PCTP: variants seen among roughly 807,000 people sequenced by gnomAD.
PCTP encodes phosphatidylcholine transfer protein, also known as START domain-containing protein 2.
A neutral mutation model predicts 31.0 loss-of-function variants in PCTP; 27 were observed. The ratio of observed to expected loss-of-function variants is 0.87; its 90% CI spans 0.64 to 1.20. The LOEUF (loss-of-function observed/expected upper bound fraction) is 1.20, where lower values mean the gene tolerates loss of function less well. PCTP is among the 50% of genes most tolerant of loss of function. The probability of loss-of-function intolerance (pLI) is 0.00; values close to 1 mark genes in which losing one functional copy is unlikely to be tolerated. For synonymous variants in PCTP, 108 were observed against 101.2 expected (o/e 1.07, Z -0.40); for missense variants, 287 against 268.2 (o/e 1.07, Z -0.49).
At chr17:55,827,038 C>CAAAAA (rs33976207), downstream of PCTP, among the ~76,000 whole-genome samples, 1 of 134,928 alleles carries the variant, frequency 7.4e-6, no homozygotes, top group African/African-American at 2.7e-5. Context: ...GGTAAACAGC[C>CAAAAA]AAAAAAAAAA....
At chr17:55,809,522 TC>T (rs757597831) in intron 3 of PCTP, among the ~76,000 whole-genome samples, 1 of 144,286 alleles carries the variant, frequency 6.9e-6, no homozygotes, top group South Asian at 2.2e-4. Context: ...ATTCTCAGAG[TC>T]TTTTTTTTTT....
At chr17:55,847,206 C>G (rs1037584313), downstream of PCTP, among the ~76,000 whole-genome samples, 1 of 152,202 alleles carries the variant, frequency 6.6e-6, no homozygotes, top group Non-Finnish European at 1.5e-5. Context: ...CCATCATTTT[C>G]TGGTTATTCT....
At chr17:55,818,687 A>G (rs990966728) in intron 3 of PCTP, among the ~76,000 whole-genome samples, 1 of 152,224 alleles carries the variant, frequency 6.6e-6, no homozygotes, top group Non-Finnish European at 1.5e-5. Flanking sequence ...TCTGGAAAAT[A>G]GCCTTTAGCT....
intron 5 of PCTP, among the ~76,000 whole-genome samples, chr17:55,830,502 C>T (rs1445509493): frequency 1.3e-5 from 2 of 152,044 alleles, no homozygotes; most frequent in African/African-American, 4.8e-5. Flanking sequence ...AAAAAGTGTA[C>T]CTGTCACCTT....
intron 5 of PCTP, among the ~76,000 whole-genome samples, chr17:55,837,831 CAG>C (rs1301487775): frequency 5.3e-5 from 8 of 152,264 alleles, no homozygotes; most frequent in African/African-American, 1.9e-4. Context: ...ATCTTTGCAC[CAG>C]AGTGTTCTTT....
chr17:55,808,230 A>G (rs992727555), intron 3 of PCTP, among the ~76,000 whole-genome samples: 4 of 152,210 alleles, frequency 2.6e-5, no homozygotes, highest in Non-Finnish European at 2.9e-5. Flanking sequence ...TTTGTAATCT[A>G]TGAATTGCCA....
chr17:55,845,802 C>A (rs1906130283), downstream of PCTP, among the ~76,000 whole-genome samples: 1 of 152,016 alleles, frequency 6.6e-6, no homozygotes, highest in Non-Finnish European at 1.5e-5. Flanking sequence ...ACACCCCCTC[C>A]CCCCATTCTC....
At chr17:55,759,813 A>G (rs921980132) in intron 1 of PCTP, among the ~76,000 whole-genome samples, 6 of 152,120 alleles carry the variant, frequency 3.9e-5, no homozygotes, top group African/African-American at 1.4e-4. Flanking sequence ...ACAGGAGATT[A>G]CTCCTGTGTG....
chr17:55,832,580 C>T (rs752156411), intron 5 of PCTP, among the ~76,000 whole-genome samples: 7 of 152,172 alleles, frequency 4.6e-5, no homozygotes, highest in Admixed American at 6.5e-5. Flanking sequence ...GAAAGAGCAT[C>T]GATGGCTTCA....
At chr17:55,794,368 C>T (rs1277428416) in intron 3 of PCTP, among the ~76,000 whole-genome samples, 2 of 151,756 alleles carry the variant, frequency 1.3e-5, no homozygotes, top group African/African-American at 4.8e-5. Flanking sequence ...TATTTACCTC[C>T]TGATTTTTAG....
At chr17:55,781,841 A>T (rs138720052), downstream of PCTP, among the ~76,000 whole-genome samples, 2 of 152,182 alleles carry the variant, frequency 1.3e-5, no homozygotes, top group African/African-American at 4.8e-5. Flanking sequence ...AGTATACACT[A>T]TGATGTTTGC....
chr17:55,824,649 A>G (rs1905336150), downstream of PCTP, among the ~76,000 whole-genome samples: 2 of 152,216 alleles, frequency 1.3e-5, no homozygotes, highest in African/African-American at 4.8e-5. Flanking sequence ...CGGTCCCTGA[A>G]CACAGAGATA....
chr17:55,846,957 G>T (rs560758080), downstream of PCTP, among the ~76,000 whole-genome samples: 149 of 152,240 alleles, frequency 9.8e-4, 1 homozygote, highest in African/African-American at 3.5e-3. Context: ...TTCCTTGCTA[G>T]ACTGTAAATT....
intron 3 of PCTP, among the ~76,000 whole-genome samples, chr17:55,821,439 G>T: frequency 6.6e-6 from 1 of 152,120 alleles, no homozygotes; most frequent in East Asian, 1.9e-4. Context: ...AAAATTTATT[G>T]TAATGATGGT....
At chr17:55,808,410 G>A (rs1480770387) in intron 3 of PCTP, among the ~76,000 whole-genome samples, 1 of 152,248 alleles carries the variant, frequency 6.6e-6, no homozygotes, top group Admixed American at 6.5e-5. Flanking sequence ...TAAAAAGGAG[G>A]TAACTCATCC....
chr17:55,850,872 C>T, the PCTP span, among the ~76,000 whole-genome samples: 1 of 152,164 alleles, frequency 6.6e-6, no homozygotes, highest in Non-Finnish European at 1.5e-5. Flanking sequence ...TTGGATCAAA[C>T]TGGTCTGATT....
downstream of PCTP, among the ~76,000 whole-genome samples, chr17:55,844,399 T>C (rs1409855273): frequency 6.6e-6 from 1 of 152,176 alleles, no homozygotes; most frequent in Non-Finnish European, 1.5e-5. Context: ...CTACTGCTTG[T>C]CCAAACTTTC....
intron 4 of PCTP, 59 bp from the exon 5 acceptor site, chr17:55,774,733 T>G: frequency 3.8e-6 from 5 of 1,307,758 alleles, no homozygotes; most frequent in Non-Finnish European, 5.5e-6. Context: ...CACAGTTTTG[T>G]TGCTATATTT....
chr17:55,751,389 A>T lies in PCTP; in HGVS notation c.141+145A>T, dbSNP rs1490611483. 5 of 1,533,262 alleles carry T rather than the reference A, an allele frequency of 3.3e-6. No individual in the cohort carries two copies. In the South Asian group the frequency reaches 3.6e-5, roughly 11 times the overall value. 95.0% of individuals were successfully genotyped at this position (1,533,262 alleles called of 1,614,324 possible). A position where few individuals can be genotyped will look rare whatever the true frequency, so the allele number is the denominator to read the frequency against. On this transcript the variant is annotated intron_variant, in intron 1 of 5. Coordinates refer to ENST00000268896, the MANE Select transcript of PCTP (RefSeq NM_021213.4). ...AGGAGCTCCGCCCGGACCCTGTCTCAAGCTCTGGAGCTAGCGCAGGGGCGG... is the reference window on the plus strand; with the variant it reads ...AGGAGCTCCGCCCGGACCCTGTCTCTAGCTCTGGAGCTAGCGCAGGGGCGG...
Sources: allele counts gnomAD v4.1 joint callset (sites outside exome capture counted in the v4.1 genomes callset), GRCh38; gene constraint gnomAD v4.1.1; transcripts MANE v1.5; gene names NCBI Gene and HGNC (gene_info 2026-07-23, HGNC 2026-07-21).